The following CHD5 variants were observed in gnomAD, a reference collection of about 807,000 sequenced individuals.
The protein encoded by CHD5 is ATP-dependent chromatin remodeler CHD5.
In CHD5, 69 loss-of-function variants were observed where a neutral mutation model predicts 230.3. That is an observed-to-expected ratio of 0.30 (90% CI 0.25 to 0.37). The LOEUF (loss-of-function observed/expected upper bound fraction) is 0.37. Among genes scored for constraint, CHD5 ranks in the 10% least tolerant of loss-of-function variants. The pLI is 1.00. For synonymous variants in CHD5, 1,064 were observed against 1,065.9 expected, an observed-to-expected ratio of 1.00 and a Z score of 0.03; for missense variants, 1,827 against 2,622.8, an observed-to-expected ratio of 0.70 and a Z score of 6.63.
Position 6,154,749 on chromosome 1 carries a change from G to A in CHD5, c.656C>T (p.Thr219Met), listed in dbSNP as rs372515565. Residue 219 changes from threonine to methionine, a missense_variant, in exon 5 of 42, where the codon ACG becomes ATG. This residue lies in a region of CHD5 where 657 missense variants were observed against 816.4 expected (regional missense o/e 0.80). Transcript: ENST00000262450. The surrounding 1 kb of genome is among the most constrained non-coding windows in gnomAD (Gnocchi z 7.0). ...GGCTAGCGGAGGGGAGATGGTGACCGTCTCTACAGCCGCAGCCACCGCCGC... is the reference window on the plus strand; with the variant it reads ...GGCTAGCGGAGGGGAGATGGTGACCATCTCTACAGCCGCAGCCACCGCCGC... ...AAAAVAAAVE[T>M]VTISPPLAVS... 3.3e-5 allele frequency: 53 copies of A among 1,611,552 alleles called. 1 individual carries two copies. Among genetic ancestry groups the A allele is most frequent in the South Asian group, 1.2e-4 (11 of 90,966 alleles).
At position 6,134,535 on chromosome 1, in the gene CHD5, A is replaced by G. The variant is rs377739125; in HGVS notation, c.3012+183T>C. 2.7e-4 allele frequency among the ~76,000 whole-genome samples: 41 copies of G among 152,204 alleles called. No homozygotes were observed. The highest frequency in any genetic ancestry group is 6.5e-4 in the Admixed American group (10 of 15,294). On this transcript the variant is annotated intron_variant, in intron 19 of 41. Coordinates refer to ENST00000262450, the MANE Select transcript of CHD5 (RefSeq NM_015557.3). This position sits in a 1 kb window ranked among gnomAD's most constrained non-coding sequence, Gnocchi z 6.3. ...CGGGTTCCACGGTAAGTTCCCCAGC[A>G]CCTACCAGAGTGGCCACAGGCAACC... is the stretch of plus-strand genomic sequence containing the variant.
At chr1:6,106,852 A>C in intron 38 of CHD5, 73 bp from the exon 39 acceptor site, 1 of 258,346 alleles carries the variant, frequency 3.9e-6, no homozygotes, top group Non-Finnish European at 6.9e-6. Context: ...GGAAGGATGG[A>C]GGGATGGAGG....
At position 6,146,514 on chromosome 1, in the gene CHD5, C is replaced by T. The variant is rs1005393584; in HGVS notation, c.1591-91G>A. 50 of 1,435,246 alleles carry T rather than the reference C, an allele frequency of 3.5e-5. No homozygotes were observed. Among genetic ancestry groups the T allele is most frequent in the Non-Finnish European group, 3.7e-5 (38 of 1,029,838 alleles). 88.9% of individuals were successfully genotyped at this position (1,435,246 alleles called of 1,614,324 possible). ...CAGCTCCTCTAGCCCCAGCCCAGGT[C>T]CCAGGCAGGACAATCCTCCCGCTCA... On this transcript the variant is annotated intron_variant, in intron 10 of 41. Coordinates refer to ENST00000262450, the MANE Select transcript of CHD5 (RefSeq NM_015557.3). The surrounding 1 kb of genome is among the most constrained non-coding windows in gnomAD (Gnocchi z 5.1).
At position 6,130,387 on chromosome 1, in the gene CHD5, A is replaced by T; in HGVS notation, c.3263-59T>A. Reference sequence around the variant, plus strand: ...GGGGGGGTACACCTTGGGTGGGCAGAAAGGATGGGGGAGAGAACAGAGAGA... The same window carrying T: ...GGGGGGGTACACCTTGGGTGGGCAGTAAGGATGGGGGAGAGAACAGAGAGA... On this transcript the variant is annotated intron_variant, in intron 21 of 41. Transcript: ENST00000262450. The surrounding 1 kb of genome is among the most constrained non-coding windows in gnomAD (Gnocchi z 4.9). 6.5e-7 allele frequency: 1 copy of T among 1,529,594 alleles called. No homozygotes were observed. The highest frequency in any genetic ancestry group is 1.1e-5 in the South Asian group (1 of 88,190). The allele number at this position is 1,529,594 out of a possible 1,614,324, so 94.8% of individuals were successfully genotyped here.
In CHD5 at chr1:6,134,765, G is replaced by A; in HGVS notation, c.2965C>T (p.Leu989=). Residue 989 remains leucine (L), a synonymous_variant, in exon 19 of 42, where the codon CTG becomes TTG. Transcript: ENST00000262450. This position sits in a 1 kb window ranked among gnomAD's most constrained non-coding sequence, Gnocchi z 6.3. ...TAGGGGTGGTTGCAGCACTTTTTCAGGTCCATCATGATGTTGAGCAGCGAT... is the reference window on the plus strand; with the variant it reads ...TAGGGGTGGTTGCAGCACTTTTTCAAGTCCATCATGATGTTGAGCAGCGAT... ...QVSLLNIMMD[L]KKCCNHPYLF... is the part of the protein sequence containing the mutation. The A allele has an allele frequency of 6.2e-7, 1 of 1,614,128 alleles. No homozygotes were observed. The highest frequency in any genetic ancestry group is 1.6e-4 in the Middle Eastern group (1 of 6,062).
chr1:6,153,478 T>C (rs558962399), intron 5 of CHD5, among the ~76,000 whole-genome samples: 35 of 152,158 alleles, frequency 2.3e-4, no homozygotes, highest in African/African-American at 7.9e-4. Context: ...CCCCAGAAAC[T>C]AAAGCTCCTT....
chr1:6,141,263 C>T (rs1043630284), intron 15 of CHD5, among the ~76,000 whole-genome samples: 8 of 150,430 alleles, frequency 5.3e-5, no homozygotes, highest in Admixed American at 4.0e-4. Context: ...CCAGCCTGGG[C>T]GACAGAGTGA....
rs1044121751 is a variant in CHD5, at chr1:6,126,282, C to T, written c.4078+290G>A. Among the ~76,000 whole-genome samples the T allele has an allele frequency of 6.6e-6, 1 of 152,066 alleles. No individual in the cohort carries two copies. The stretch of plus-strand genomic sequence containing the variant: ...GGGGTCCTGCACAGGGATGCCCCAA[C>T]AGAATCCTGCCCCACCCTCCACCTC... On this transcript the variant is annotated intron_variant, in intron 26 of 41. Transcript: ENST00000262450. This position sits in a 1 kb window ranked among gnomAD's most constrained non-coding sequence, Gnocchi z 5.7.
chr1:6,125,273 GA>G lies in CHD5; in HGVS notation c.4261-41del, dbSNP rs1666536714. 6.4e-7 allele frequency: 1 copy of G among 1,562,114 alleles called. No individual in the cohort carries two copies. Among genetic ancestry groups the G allele is most frequent in the Non-Finnish European group, 8.7e-7 (1 of 1,154,708 alleles). On this transcript the variant is annotated intron_variant, in intron 28 of 41. Coordinates refer to ENST00000262450, the MANE Select transcript of CHD5 (RefSeq NM_015557.3). This position sits in a 1 kb window ranked among gnomAD's most constrained non-coding sequence, Gnocchi z 6.7. ...CGTGGGAGTATGAGCCCAGGACAGA[GA>G]GGGGTGGGGGTGGAGGATTCTGGGA...
At chr1:6,139,297 G>C (rs1666792209) in intron 15 of CHD5, among the ~76,000 whole-genome samples, 2 of 152,124 alleles carry the variant, frequency 1.3e-5, no homozygotes, top group Admixed American at 1.3e-4. Flanking sequence ...CCAGGCTGGA[G>C]TGCAATGGTG....
intron 7 of CHD5, among the ~76,000 whole-genome samples, chr1:6,150,407 T>TGGAC (rs1358734844): frequency 2.1e-5 from 3 of 139,780 alleles, no homozygotes; most frequent in Admixed American, 7.1e-5. Flanking sequence ...GATGGATGGA[T>TGGAC]GGACAAGTGG....
chr1:6,134,707 G>A lies in CHD5; in HGVS notation c.3012+11C>T, dbSNP rs1666713042. The A allele has an allele frequency of 6.2e-7, 1 of 1,613,900 alleles. No homozygotes were observed. Among genetic ancestry groups the A allele is most frequent in the East Asian group, 2.2e-5 (1 of 44,870 alleles). Reference sequence around the variant, plus strand: ...CATGGAGAAGCTGCCATGATGGCCGGGGAAACCTACCACGGCAGCCACAGG... The same window carrying A: ...CATGGAGAAGCTGCCATGATGGCCGAGGAAACCTACCACGGCAGCCACAGG... On this transcript the variant is annotated intron_variant, in intron 19 of 41. Coordinates refer to ENST00000262450, the MANE Select transcript of CHD5 (RefSeq NM_015557.3). This position sits in a 1 kb window ranked among gnomAD's most constrained non-coding sequence, Gnocchi z 6.3.
Position 6,154,519 on chromosome 1 carries a change from A to G in CHD5, c.745+141T>C, listed in dbSNP as rs1170099462. ...TGCTGAGAAAGGACCGGGCAATCCA[A>G]GGTCACACAGGCACAGAGCCCTCCA... On this transcript the variant is annotated intron_variant, in intron 5 of 41. Coordinates refer to ENST00000262450, the MANE Select transcript of CHD5 (RefSeq NM_015557.3). This position sits in a 1 kb window ranked among gnomAD's most constrained non-coding sequence, Gnocchi z 7.0. 1.5e-6 allele frequency: 1 copy of G among 660,546 alleles called. No homozygotes were observed. The highest frequency in any genetic ancestry group is 2.4e-6 in the Non-Finnish European group (1 of 416,556). 40.9% of individuals were successfully genotyped at this position (660,546 alleles called of 1,614,324 possible).
chr1:6,134,011 A>T lies in CHD5; in HGVS notation c.3144+117T>A. The T allele has an allele frequency of 1.0e-6, 1 of 985,708 alleles. No individual in the cohort carries two copies. Among genetic ancestry groups the T allele is most frequent in the Non-Finnish European group, 1.5e-6 (1 of 662,908 alleles). The allele number at this position is 985,708 out of a possible 1,614,324, so 61.1% of individuals were successfully genotyped here. A position where few individuals can be genotyped will look rare whatever the true frequency, so the allele number is the denominator to read the frequency against. ...CCCCTGACACACAGTCACATGACCC[A>T]CATGGGAACGGCACTGGGCCCTGAG... On this transcript the variant is annotated intron_variant, in intron 20 of 41. Coordinates refer to ENST00000262450, the MANE Select transcript of CHD5 (RefSeq NM_015557.3). The surrounding 1 kb of genome is among the most constrained non-coding windows in gnomAD (Gnocchi z 6.3).
At position 6,125,964 on chromosome 1, in the gene CHD5, A is replaced by G; in HGVS notation, c.4079-106T>C. On this transcript the variant is annotated intron_variant, in intron 26 of 41. Transcript: ENST00000262450. This position sits in a 1 kb window ranked among gnomAD's most constrained non-coding sequence, Gnocchi z 6.7. ...CGCCGAGCCCCTGCACCCCAGCTCC[A>G]TAAAAAAGCAGTGACAATGGCCCAC... is the stretch of plus-strand genomic sequence containing the variant. 3 of 778,348 alleles carry G rather than the reference A, an allele frequency of 3.9e-6. No homozygotes were observed. The highest frequency in any genetic ancestry group is 6.5e-6 in the Non-Finnish European group (3 of 459,182). The allele number at this position is 778,348 out of a possible 1,614,324, so 48.2% of individuals were successfully genotyped here. A position where few individuals can be genotyped will look rare whatever the true frequency, so the allele number is the denominator to read the frequency against.
At position 6,131,899 on chromosome 1, in the gene CHD5, G is replaced by A. The variant is rs1666664148; in HGVS notation, c.3145-151C>T. On this transcript the variant is annotated intron_variant, in intron 20 of 41. Transcript: ENST00000262450. The surrounding 1 kb of genome is among the most constrained non-coding windows in gnomAD (Gnocchi z 5.0). ...CAGGCAGGCCCAATGCAGGACTCTGGGGAAGAACAAAGCTTCCAACCTCAC... is the reference window on the plus strand; with the variant it reads ...CAGGCAGGCCCAATGCAGGACTCTGAGGAAGAACAAAGCTTCCAACCTCAC... The A allele has an allele frequency of 3.3e-6, 2 of 603,856 alleles. No homozygotes were observed. The highest frequency in any genetic ancestry group is 6.0e-6 in the Non-Finnish European group (2 of 333,438). The allele number at this position is 603,856 out of a possible 1,614,324, so 37.4% of individuals were successfully genotyped here.
rs1203047628 is a variant in CHD5 at position 6,119,869 on chromosome 1, T to A, written c.4912+1236A>T. On this transcript the variant is annotated intron_variant, in intron 33 of 41. Transcript: ENST00000262450. ...TGTGTATTATATATATATATATTTT[T>A]TTTTTTTCTGAGATTGAGTCCCTCT... Among the ~76,000 whole-genome samples the A allele has an allele frequency of 1.7e-3, 203 of 122,574 alleles. 1 individual carries two copies. The highest frequency in any genetic ancestry group is 4.1e-3 in the East Asian group (15 of 3,666). The allele number at this position is 122,574 out of a possible 152,430, so 80.4% of individuals were successfully genotyped here. A position where few individuals can be genotyped will look rare whatever the true frequency, so the allele number is the denominator to read the frequency against.
rs561924768 is a variant in CHD5 at position 6,125,437 on chromosome 1, C to T, written c.4260+87G>A. The T allele has an allele frequency of 2.1e-5, 30 of 1,415,596 alleles. 1 individual carries two copies. In the South Asian group the frequency reaches 3.8e-4, roughly 18 times the overall value. 87.7% of individuals were successfully genotyped at this position (1,415,596 alleles called of 1,614,324 possible). Reference sequence around the variant, plus strand: ...AGCTCCGCCTCTACCTGGCATGAGACCCGGGGCAGTCCCCCAGCCCTCCTC... The same window carrying T: ...AGCTCCGCCTCTACCTGGCATGAGATCCGGGGCAGTCCCCCAGCCCTCCTC... On this transcript the variant is annotated intron_variant, in intron 28 of 41. Transcript: ENST00000262450. This position sits in a 1 kb window ranked among gnomAD's most constrained non-coding sequence, Gnocchi z 6.7.
chr1:6,178,944 T>C (rs1335734864), intron 1 of CHD5, among the ~76,000 whole-genome samples: 2 of 152,008 alleles, frequency 1.3e-5, no homozygotes, highest in Admixed American at 1.3e-4. Flanking sequence ...CTCTCCGAAG[T>C]CCAGAGAGGC....
Sources: allele counts gnomAD v4.1 joint callset (sites outside exome capture counted in the v4.1 genomes callset), GRCh38; gene constraint gnomAD v4.1.1; regional missense constraint gnomAD v4.1.1; non-coding constraint Gnocchi (gnomAD v3.1); transcripts MANE v1.5; gene names NCBI Gene and HGNC (gene_info 2026-07-23, HGNC 2026-07-21).